Variants in FHIT observed in about 807,000 individuals in gnomAD.
FHIT encodes bis(5'-adenosyl)-triphosphatase.
Under a neutral mutation model 17.9 loss-of-function variants are expected in FHIT, and 19 were observed. That is an observed-to-expected ratio of 1.06 (90% confidence interval 0.74 to 1.56). FHIT has a LOEUF of 1.56. Among genes scored for constraint, FHIT ranks in the 40% most tolerant of loss-of-function variants. The pLI is 0.00. For missense variants in FHIT, 248 were observed against 189.2 expected, an observed-to-expected ratio of 1.31 and a Z score of -1.82; for synonymous variants, 81 against 69.7, an observed-to-expected ratio of 1.16 and a Z score of -0.81.
chr3:60,366,776 C>A (rs2107032081), intron 5 of FHIT, among the ~76,000 whole-genome samples: 1 of 152,216 alleles, frequency 6.6e-6, no homozygotes, highest in South Asian at 2.1e-4. Context: ...TATAAATTAC[C>A]CAGACTGTGG....
chr3:59,997,373 G>C (rs1264404774), intron 7 of FHIT, among the ~76,000 whole-genome samples: 3 of 152,154 alleles, frequency 2.0e-5, no homozygotes, highest in Non-Finnish European at 4.4e-5. Context: ...AAATATTTCA[G>C]AGAAGCAAAG....
At chr3:60,297,279 G>A (rs895041496) in intron 5 of FHIT, among the ~76,000 whole-genome samples, 1 of 152,016 alleles carries the variant, frequency 6.6e-6, no homozygotes, top group Non-Finnish European at 1.5e-5. Context: ...GTGAGAATAT[G>A]TCTCTCCATT....
chr3:60,101,810 C>T (rs1304956966), intron 5 of FHIT, among the ~76,000 whole-genome samples: 3 of 152,204 alleles, frequency 2.0e-5, no homozygotes, highest in Non-Finnish European at 2.9e-5. Flanking sequence ...CCAGCCTTAT[C>T]AACCAGCGCT....
At chr3:61,175,004 A>G (rs557369888) in intron 2 of FHIT, among the ~76,000 whole-genome samples, 9 of 127,556 alleles carry the variant, frequency 7.1e-5, no homozygotes, top group African/African-American at 1.2e-4. Context: ...TTCCTCATCT[A>G]TTAAATGAAG....
chr3:60,415,593 C>G (rs900053461), intron 5 of FHIT, among the ~76,000 whole-genome samples: 2 of 152,000 alleles, frequency 1.3e-5, no homozygotes, highest in African/African-American at 4.8e-5. Flanking sequence ...GCTGGACAAC[C>G]AAGTATATGA....
chr3:60,019,033 T>C (rs1028147782), intron 5 of FHIT, among the ~76,000 whole-genome samples: 1 of 152,102 alleles, frequency 6.6e-6, no homozygotes, highest in African/African-American at 2.4e-5. Flanking sequence ...CTACCATAAG[T>C]CTGTGGATGG....
chr3:60,596,401 T>A (rs1553666505), intron 4 of FHIT, among the ~76,000 whole-genome samples: 1 of 152,152 alleles, frequency 6.6e-6, no homozygotes, highest in African/African-American at 2.4e-5. Context: ...TCACCCTTTT[T>A]CAGCTCAGCT....
intron 3 of FHIT, among the ~76,000 whole-genome samples, chr3:60,964,032 G>C (rs1406138454): frequency 6.6e-6 from 1 of 152,152 alleles, no homozygotes; most frequent in Non-Finnish European, 1.5e-5. Context: ...CCAGTGGAGT[G>C]TTAAAGTCTC....
At chr3:61,109,076 A>G (rs1439940999) in intron 2 of FHIT, among the ~76,000 whole-genome samples, 1 of 152,238 alleles carries the variant, frequency 6.6e-6, no homozygotes, top group Non-Finnish European at 1.5e-5. Flanking sequence ...GTCTTCTTCC[A>G]AGTGAACATT....
intron 5 of FHIT, among the ~76,000 whole-genome samples, chr3:60,408,254 C>T (rs1286268690): frequency 1.3e-5 from 2 of 152,166 alleles, no homozygotes; most frequent in African/African-American, 2.4e-5. Context: ...CTTCCTCAGC[C>T]GAGACTTGAG....
At chr3:60,984,697 T>C (rs992397677) in intron 3 of FHIT, among the ~76,000 whole-genome samples, 5 of 152,020 alleles carry the variant, frequency 3.3e-5, no homozygotes, top group African/African-American at 7.2e-5. Flanking sequence ...ACTTAGGAAA[T>C]TGTAACGAGA....
intron 5 of FHIT, among the ~76,000 whole-genome samples, chr3:60,091,549 C>T (rs558972000): frequency 2.6e-5 from 4 of 152,190 alleles, no homozygotes; most frequent in African/African-American, 9.6e-5. Flanking sequence ...GGTGGGTTTA[C>T]TGTATGATAT....
chr3:59,752,030 T>A (rs879307772), intron 9 of FHIT, 191 bp downstream of exon 9: 1 of 454,474 alleles, frequency 2.2e-6, no homozygotes, highest in South Asian at 4.2e-5. Flanking sequence ...GGCAGGAGAG[T>A]TGGAAGAGAC....
At chr3:59,926,879 G>A (rs543466091) in intron 7 of FHIT, among the ~76,000 whole-genome samples, 1 of 152,284 alleles carries the variant, frequency 6.6e-6, no homozygotes, top group Admixed American at 6.5e-5. Context: ...TACTGGGGAT[G>A]TAAAATCACA....
chr3:59,985,770 G>A (rs927338997), intron 7 of FHIT, among the ~76,000 whole-genome samples: 1 of 152,102 alleles, frequency 6.6e-6, no homozygotes, highest in Admixed American at 6.6e-5. Context: ...ATTATTAATT[G>A]ATCACCTCTC....
At chr3:61,172,380 A>G (rs942585559) in intron 2 of FHIT, among the ~76,000 whole-genome samples, 3 of 152,190 alleles carry the variant, frequency 2.0e-5, no homozygotes, top group Admixed American at 2.0e-4. Flanking sequence ...TTATTCATGT[A>G]AGGAAAAGGA....
At chr3:60,206,105 C>T (rs1703162336) in intron 5 of FHIT, among the ~76,000 whole-genome samples, 1 of 147,942 alleles carries the variant, frequency 6.8e-6, no homozygotes, top group Non-Finnish European at 1.5e-5. Context: ...TGCACTCCAG[C>T]CTGGGCGACA....
intron 1 of FHIT, among the ~76,000 whole-genome samples, chr3:61,245,502 C>G (rs1351288940): frequency 6.6e-6 from 1 of 152,168 alleles, no homozygotes; most frequent in Admixed American, 6.5e-5. Context: ...CAGCATCAGT[C>G]TGTTAGAAAT....
intron 5 of FHIT, among the ~76,000 whole-genome samples, chr3:60,301,744 T>G (rs1708466746): frequency 6.6e-6 from 1 of 152,176 alleles, no homozygotes; most frequent in Non-Finnish European, 1.5e-5. Flanking sequence ...ACACCTAATT[T>G]TAACAGTTAC....
Sources: allele counts gnomAD v4.1 joint callset (sites outside exome capture counted in the v4.1 genomes callset), GRCh38; gene constraint gnomAD v4.1.1; transcripts MANE v1.5; gene names NCBI Gene and HGNC (gene_info 2026-07-23, HGNC 2026-07-21).